The following RNF138 variants were observed in gnomAD, a reference collection of about 807,000 sequenced individuals.
The protein encoded by RNF138 is ring finger protein 138, also known as E3 ubiquitin-protein ligase RNF138.
In RNF138, 12 loss-of-function variants were observed where a neutral mutation model predicts 31.0. That is an observed-to-expected ratio of 0.39 (90% CI 0.25 to 0.63). The LOEUF is 0.63. Ranked by LOEUF, RNF138 falls within the 20% of genes least tolerant of loss-of-function variation. The pLI, the probability that RNF138 is intolerant of heterozygous loss-of-function variation, is 0.52. For synonymous variants in RNF138, 105 were observed against 99.5 expected, an observed-to-expected ratio of 1.06 and a Z score of -0.33; for missense variants, 192 against 300.1, an observed-to-expected ratio of 0.64 and a Z score of 2.66.
chr18:32,096,670 T>C (rs190922746), intron 2 of RNF138, among the ~76,000 whole-genome samples: 27 of 152,248 alleles, frequency 1.8e-4, no homozygotes, highest in Admixed American at 1.8e-3. Context: ...CATCTGCAAA[T>C]GATTGTTAAG....
intron 4 of RNF138, among the ~76,000 whole-genome samples, chr18:32,115,532 G>C (rs1173449745): frequency 6.6e-6 from 1 of 152,140 alleles, no homozygotes; most frequent in African/African-American, 2.4e-5. Flanking sequence ...ATCACTTGAG[G>C]TCAGGAGTTC....
chr18:32,105,805 G>A (rs746176630), intron 2 of RNF138, among the ~76,000 whole-genome samples: 6 of 152,152 alleles, frequency 3.9e-5, no homozygotes, highest in Admixed American at 2.0e-4. Flanking sequence ...ACTGAATGTC[G>A]TCTGTTCTAC....
chr18:32,112,100 A>T (rs1430860848), intron 3 of RNF138, among the ~76,000 whole-genome samples, 181 bp downstream of exon 3: 1 of 151,432 alleles, frequency 6.6e-6, no homozygotes, highest in Non-Finnish European at 1.5e-5. Context: ...TTATAAACTT[A>T]CTGAGAAATG....
At chr18:32,104,610 A>G (rs957689233) in intron 2 of RNF138, among the ~76,000 whole-genome samples, 3 of 152,220 alleles carry the variant, frequency 2.0e-5, no homozygotes, top group African/African-American at 2.4e-5. Context: ...AATCAACAAC[A>G]TATCTTTATA....
At chr18:32,123,622 A>T in intron 5 of RNF138, 48 bp downstream of exon 5, 1 of 1,197,408 alleles carries the variant, frequency 8.4e-7, no homozygotes, top group Non-Finnish European at 1.2e-6. Context: ...TATTATATTT[A>T]TCACTTATCA....
At position 32,131,120 on chromosome 18, in the gene RNF138, A is replaced by C. The variant is rs1001685390; in HGVS notation, c.*1933A>C. ...AGTTAAACCATTCTGGGATTTGGGA[A>C]CTTCTTTAAAGGAAAATTGTAGTAG... On this transcript the variant is annotated 3_prime_UTR_variant, in exon 8 of 8. Coordinates refer to ENST00000261593, the MANE Select transcript of RNF138 (RefSeq NM_016271.5). The C allele has an allele frequency of 6.6e-6, 1 of 152,380 alleles. No individual in the cohort carries two copies. Among genetic ancestry groups the C allele is most frequent in the Non-Finnish European group, 1.5e-5 (1 of 67,910 alleles). 9.4% of individuals were successfully genotyped at this position (152,380 alleles called of 1,614,324 possible). A position where few individuals can be genotyped will look rare whatever the true frequency, so the allele number is the denominator to read the frequency against.
rs1422899647 is a variant in RNF138, at chr18:32,092,770, C to T, written c.-7C>T. The T allele has an allele frequency of 1.3e-6, 2 of 1,554,354 alleles. No individual in the cohort carries two copies. Among genetic ancestry groups the T allele is most frequent in the Non-Finnish European group, 1.7e-6 (2 of 1,149,682 alleles). On this transcript the variant is annotated 5_prime_UTR_variant, in exon 2 of 8. Transcript: ENST00000261593. Reference sequence around the variant, plus strand: ...GTCGCCATCGCCTTGTTTCCCCATCCCCCGCCATGGCCGAGGACCTCTCTG... The same window carrying T: ...GTCGCCATCGCCTTGTTTCCCCATCTCCCGCCATGGCCGAGGACCTCTCTG...
chr18:32,107,499 T>C (rs1193282251), intron 2 of RNF138, among the ~76,000 whole-genome samples: 1 of 139,496 alleles, frequency 7.2e-6, no homozygotes, highest in Non-Finnish European at 1.6e-5. Flanking sequence ...GAAGATAATC[T>C]TAATTTAGTT....
rs576066507 is a variant in RNF138 at position 32,093,132 on chromosome 18, C to T, written c.110+246C>T. Among the ~76,000 whole-genome samples the T allele has an allele frequency of 3.0e-3, 456 of 151,908 alleles. 1 individual carries two copies. The highest frequency in any genetic ancestry group is 5.0e-3 in the Admixed American group (77 of 15,256). On this transcript the variant is annotated intron_variant, in intron 2 of 7. Coordinates refer to ENST00000261593, the MANE Select transcript of RNF138 (RefSeq NM_016271.5). ...TCCCGCTCTCCCGCTCTCCCGCTCT[C>T]CCGCTCTCCCGCTCTCCCTGGCTTT...
intron 1 of RNF138, 157 bp from the exon 2 acceptor site, chr18:32,092,543 C>T (rs2039712056): frequency 9.6e-6 from 5 of 520,500 alleles, no homozygotes. Context: ...CCCCATCCAG[C>T]CCCCTGTGGG....
Position 32,120,872 on chromosome 18 carries a change from G to A in RNF138, c.393-2646G>A, listed in dbSNP as rs573885164. 6.6e-5 allele frequency among the ~76,000 whole-genome samples: 10 copies of A among 152,200 alleles called. 1 individual carries two copies. The South Asian group carries it at 2.1e-3, about 32-fold the overall frequency. On this transcript the variant is annotated intron_variant, in intron 4 of 7. Coordinates refer to ENST00000261593, the MANE Select transcript of RNF138 (RefSeq NM_016271.5). ...AAACTGCATAGTACTGGCTGGGGGC[G>A]GTGGCTCATGTCTGTAATCCCTGTA...
intron 2 of RNF138, among the ~76,000 whole-genome samples, chr18:32,109,305 C>T (rs2040087984): frequency 6.6e-6 from 1 of 151,716 alleles, no homozygotes; most frequent in Non-Finnish European, 1.5e-5. Flanking sequence ...AGGCATGTGC[C>T]ACCATGCCAG....
chr18:32,109,161 T>C lies in RNF138; in HGVS notation c.111-2593T>C, dbSNP rs549694906. 7.3e-5 allele frequency among the ~76,000 whole-genome samples: 11 copies of C among 151,638 alleles called. No individual in the cohort carries two copies. The South Asian group carries it at 1.3e-3, about 17-fold the overall frequency. Reference sequence around the variant, plus strand: ...TTCATTTTTGTCTTTTTCTTTCTTTTTTTTTTTTTTTAAACAAGGTCTCAC... The same window carrying C: ...TTCATTTTTGTCTTTTTCTTTCTTTCTTTTTTTTTTTAAACAAGGTCTCAC... On this transcript the variant is annotated intron_variant, in intron 2 of 7. Coordinates refer to ENST00000261593, the MANE Select transcript of RNF138 (RefSeq NM_016271.5).
intron 2 of RNF138, among the ~76,000 whole-genome samples, chr18:32,107,673 A>T (rs1252047139): frequency 6.6e-6 from 1 of 151,524 alleles, no homozygotes; most frequent in Non-Finnish European, 1.5e-5. Context: ...GGCGTGTGCC[A>T]CCATGCCTGG....
intron 2 of RNF138, among the ~76,000 whole-genome samples, chr18:32,095,432 A>G (rs759841100): frequency 7.2e-5 from 11 of 152,154 alleles, no homozygotes; most frequent in Non-Finnish European, 1.6e-4. Flanking sequence ...TTGGCCTCCA[A>G]AAGTGCTGGG....
At chr18:32,113,884 A>AC (rs1275378049) in intron 4 of RNF138, 24 bp downstream of exon 4, 1 of 1,125,282 alleles carries the variant, frequency 8.9e-7, no homozygotes, top group Admixed American at 2.4e-5. Context: ...ATTCCTAAAT[A>AC]CAGAATTTTC....
rs775419697 is a variant in RNF138 at position 32,092,679 on chromosome 18, C to A, written c.-77-21C>A. On this transcript the variant is annotated intron_variant, in intron 1 of 7. Transcript: ENST00000261593. The stretch of plus-strand genomic sequence containing the variant: ...CGCTGTATCCTGATGCGATCCCCCT[C>A]CCCCCTCCGGGTTCATGTAGGGAGT... 22 of 722,146 alleles carry A rather than the reference C, an allele frequency of 3.0e-5. No individual in the cohort carries two copies. In the Admixed American group the frequency reaches 3.4e-4, roughly 11 times the overall value. The allele number at this position is 722,146 out of a possible 1,614,324, so 44.7% of individuals were successfully genotyped here.
intron 2 of RNF138, among the ~76,000 whole-genome samples, chr18:32,110,655 GAT>G (rs1568232795): frequency 1.3e-5 from 2 of 152,246 alleles, no homozygotes; most frequent in African/African-American, 4.8e-5. Context: ...CTAGATCCCA[GAT>G]ATATATGTCT....
rs1297963510 is a variant in RNF138 at position 32,124,858 on chromosome 18, G to A, written c.561+13G>A. On this transcript the variant is annotated intron_variant, in intron 6 of 7. Transcript: ENST00000261593. ...GATAGTTCCTGTGGTAAGTACATAC[G>A]TTTGAGACAGTCTTCTGCTTAGAAT... 18 of 1,186,152 alleles carry A rather than the reference G, an allele frequency of 1.5e-5. No individual in the cohort carries two copies. The highest frequency in any genetic ancestry group is 4.9e-5 in the South Asian group (4 of 82,394). The allele number at this position is 1,186,152 out of a possible 1,614,324, so 73.5% of individuals were successfully genotyped here.
Sources: gnomAD v4.1 joint callset for allele counts (sites outside exome capture counted in the v4.1 genomes callset) on GRCh38, gnomAD v4.1.1 for gene constraint, MANE v1.5 for transcripts, NCBI Gene and HGNC (gene_info 2026-07-23, HGNC 2026-07-21) for gene names.